The following MCM2 variants were observed in gnomAD, a reference collection of about 807,000 sequenced individuals.
MCM2 encodes DNA replication licensing factor MCM2.
In MCM2, 49 loss-of-function variants were observed where a neutral mutation model predicts 86.4. The ratio of observed to expected loss-of-function variants is 0.57; its 90% CI spans 0.45 to 0.72. The LOEUF (loss-of-function observed/expected upper bound fraction) is 0.72, where lower values mean the gene tolerates loss of function less well. Among genes scored for constraint, MCM2 ranks in the 30% least tolerant of loss-of-function variants. The pLI is 0.00. For missense variants in MCM2, 1,038 were observed against 1,259.9 expected, an observed-to-expected ratio of 0.82 and a Z score of 2.67; for synonymous variants, 475 against 484.6, an observed-to-expected ratio of 0.98 and a Z score of 0.26.
At chr3:127,609,618 T>C (rs904224438) in intron 8 of MCM2, among the ~76,000 whole-genome samples, 3 of 151,858 alleles carry the variant, frequency 2.0e-5, no homozygotes, top group African/African-American at 7.3e-5. Context: ...AGTTGGGCAG[T>C]TGGTTTTTAG....
chr3:127,610,872 G>T lies in MCM2; in HGVS notation c.1428+1849G>T, dbSNP rs1219853451. ...CGAACCTAGTCTGCGAAGATCTGGGGTTCCCATAGGAGAGGTGGGTGTTTC... is the reference window on the plus strand; with the variant it reads ...CGAACCTAGTCTGCGAAGATCTGGGTTTCCCATAGGAGAGGTGGGTGTTTC... On this transcript the variant is annotated intron_variant, in intron 8 of 15. Coordinates refer to ENST00000265056, the MANE Select transcript of MCM2 (RefSeq NM_004526.4). The T allele has an allele frequency of 6.6e-6, 3 of 456,704 alleles. No homozygotes were observed. The East Asian group carries it at 2.1e-4, about 32-fold the overall frequency. 28.3% of individuals were successfully genotyped at this position (456,704 alleles called of 1,614,324 possible).
intron 2 of MCM2, among the ~76,000 whole-genome samples, chr3:127,602,101 G>A (rs1310029380): frequency 1.3e-5 from 2 of 149,908 alleles, no homozygotes; most frequent in East Asian, 1.9e-4. Flanking sequence ...TATCTTTTTC[G>A]TGGTTTTAAT....
rs758184545 is a variant in MCM2 at position 127,620,877 on chromosome 3, C to T, written c.2445C>T (p.Arg815=). Reference sequence around the variant, plus strand: ...AGTTCAGCGTCATGCGCAGCATGCGCAAGGTGGGTGTGCTCCGAGGTAGGG... The same window carrying T: ...AGTTCAGCGTCATGCGCAGCATGCGTAAGGTGGGTGTGCTCCGAGGTAGGG... ...TQKFSVMRSM[R]KTFARYLSFR... The change falls in exon 14 of 16, where the codon CGC becomes CGT. Residue 815 remains arginine (R), a synonymous_variant. Coordinates refer to ENST00000265056, the MANE Select transcript of MCM2 (RefSeq NM_004526.4). The T allele has an allele frequency of 6.2e-7, 1 of 1,602,622 alleles. No homozygotes were observed. Among genetic ancestry groups the T allele is most frequent in the African/African-American group, 1.3e-5 (1 of 74,792 alleles).
intron 2 of MCM2, among the ~76,000 whole-genome samples, chr3:127,600,499 G>T (rs2074300019): frequency 6.6e-6 from 1 of 152,182 alleles, no homozygotes; most frequent in African/African-American, 2.4e-5. Context: ...AGAGTACTGT[G>T]CAGGGCATCC....
chr3:127,617,328 G>A lies in MCM2; in HGVS notation c.1823G>A (p.Ser608Asn). ...ATCCATGAGGCCATGGAGCAACAGAGCATCTCCATCTCGAAGGCTGGCATC... is the reference window on the plus strand; with the variant it reads ...ATCCATGAGGCCATGGAGCAACAGAACATCTCCATCTCGAAGGCTGGCATC... Reference protein sequence around the residue: ...TSIHEAMEQQSISISKAGIVT... With the variant: ...TSIHEAMEQQNISISKAGIVT... Residue 608 changes from serine to asparagine, a missense_variant, in exon 11 of 16, where the codon AGC (serine) becomes AAC (asparagine). Coordinates refer to ENST00000265056, the MANE Select transcript of MCM2 (RefSeq NM_004526.4). The surrounding 1 kb of genome is among the most constrained non-coding windows in gnomAD (Gnocchi z 4.1). 1 of 1,614,168 alleles carries A rather than the reference G, an allele frequency of 6.2e-7. No homozygotes were observed. The highest frequency in any genetic ancestry group is 1.1e-5 in the South Asian group (1 of 91,086).
At chr3:127,614,217 G>T (rs1462144754) in intron 8 of MCM2, among the ~76,000 whole-genome samples, 1 of 152,012 alleles carries the variant, frequency 6.6e-6, no homozygotes, top group African/African-American at 2.4e-5. Flanking sequence ...CAGGCATGCC[G>T]TTTTTTTCTG....
chr3:127,613,569 T>C (rs1166294130), intron 8 of MCM2, among the ~76,000 whole-genome samples: 1 of 152,218 alleles, frequency 6.6e-6, no homozygotes, highest in African/African-American at 2.4e-5. Context: ...CAGCCTGGCT[T>C]GAGTCCATGC....
At chr3:127,608,248 C>A in intron 6 of MCM2, 134 bp from the exon 7 acceptor site, 2 of 1,104,004 alleles carry the variant, frequency 1.8e-6, no homozygotes, top group Non-Finnish European at 2.7e-6. Flanking sequence ...GCCATGAACT[C>A]ATTCCTTGCT....
intron 1 of MCM2, chr3:127,598,796 T>C: frequency 2.4e-6 from 1 of 420,728 alleles, no homozygotes; most frequent in Non-Finnish European, 4.2e-6. Flanking sequence ...CTTTAAACTT[T>C]TTTTTTTTTT....
chr3:127,603,221 G>T (rs1158610372), intron 2 of MCM2, among the ~76,000 whole-genome samples: 1 of 151,914 alleles, frequency 6.6e-6, no homozygotes, highest in Non-Finnish European at 1.5e-5. Flanking sequence ...GGATGGTCTC[G>T]ATCTCCTGAC....
chr3:127,614,433 T>A (rs978277104), intron 8 of MCM2, among the ~76,000 whole-genome samples: 21 of 152,248 alleles, frequency 1.4e-4, no homozygotes, highest in African/African-American at 5.1e-4. Flanking sequence ...CCATAAGTTG[T>A]GATTGGTTGA....
intron 8 of MCM2, among the ~76,000 whole-genome samples, chr3:127,609,837 CTTTTTTTTTTTTT>C (rs10716532): frequency 1.2e-4 from 8 of 69,112 alleles, no homozygotes; most frequent in Admixed American, 5.9e-4. Context: ...AGTCAACTTC[CTTTTTTTTTTTTT>C]TTTTTTTTTT....
Sources: allele counts gnomAD v4.1 joint callset (sites outside exome capture counted in the v4.1 genomes callset), GRCh38; gene constraint gnomAD v4.1.1; non-coding constraint Gnocchi (gnomAD v3.1); transcripts MANE v1.5; gene names NCBI Gene and HGNC (gene_info 2026-07-23, HGNC 2026-07-21).